Variants in ABTB3 observed in about 807,000 individuals in gnomAD.
ABTB3 encodes ankyrin repeat and BTB domain containing 3.
chr12:107,447,162 A>T, the ABTB3 span, among the ~76,000 whole-genome samples: 2 of 151,800 alleles, frequency 1.3e-5, no homozygotes, highest in African/African-American at 4.8e-5. Flanking sequence ...TTTTTTTGAG[A>T]TGGAGTTTTC....
the ABTB3 span, among the ~76,000 whole-genome samples, chr12:107,544,382 C>T: frequency 1.3e-5 from 2 of 152,158 alleles, no homozygotes; most frequent in African/African-American, 2.4e-5. Flanking sequence ...ATAAGTGGGT[C>T]TGCAAATTCC....
At chr12:107,387,756 G>T in the ABTB3 span, among the ~76,000 whole-genome samples, 2 of 152,142 alleles carry the variant, frequency 1.3e-5, no homozygotes, top group Admixed American at 1.3e-4. Flanking sequence ...CCTCAGAACA[G>T]CCCAGGACAC....
At chr12:107,652,608 G>T in the ABTB3 span, among the ~76,000 whole-genome samples, 1 of 152,212 alleles carries the variant, frequency 6.6e-6, no homozygotes, top group Admixed American at 6.5e-5. Flanking sequence ...CTGAATGCCA[G>T]TGTAGTCCCC....
At chr12:107,615,026 G>T in the ABTB3 span, 2 of 1,565,268 alleles carry the variant, frequency 1.3e-6, no homozygotes, top group Non-Finnish European at 1.8e-6. Flanking sequence ...TATTGTGAAG[G>T]TCACATTTTG....
the ABTB3 span, among the ~76,000 whole-genome samples, chr12:107,612,412 T>C: frequency 6.6e-6 from 1 of 152,214 alleles, no homozygotes; most frequent in Non-Finnish European, 1.5e-5. Flanking sequence ...AGATAAATGG[T>C]GTTTACCAAT....
At chr12:107,619,988 G>A in the ABTB3 span, 414 of 1,606,394 alleles carry the variant, frequency 2.6e-4, 1 homozygote, top group Middle Eastern at 8.3e-4. Flanking sequence ...CGCTCCAGGC[G>A]TCCCGTGGAC....
At chr12:107,482,661 G>T in the ABTB3 span, among the ~76,000 whole-genome samples, 15 of 152,036 alleles carry the variant, frequency 9.9e-5, no homozygotes, top group African/African-American at 3.1e-4. Flanking sequence ...CAGCACTGGC[G>T]GCCTCTCCTG....
chr12:107,400,249 T>C, the ABTB3 span, among the ~76,000 whole-genome samples: 3 of 152,160 alleles, frequency 2.0e-5, no homozygotes, highest in Admixed American at 2.0e-4. Context: ...TTACATATTT[T>C]AACTTACTCG....
At chr12:107,493,096 G>A in the ABTB3 span, among the ~76,000 whole-genome samples, 1,165 of 149,464 alleles carry the variant, frequency 7.8e-3, 22 homozygotes, top group African/African-American at 0.027. Flanking sequence ...AAAAAAAAAA[G>A]TCTCTTCCTT....
At chr12:107,447,973 G>A in the ABTB3 span, among the ~76,000 whole-genome samples, 1 of 152,204 alleles carries the variant, frequency 6.6e-6, no homozygotes, top group African/African-American at 2.4e-5. Flanking sequence ...TGTTTACGAA[G>A]GAGTTGCATG....
the ABTB3 span, among the ~76,000 whole-genome samples, chr12:107,326,788 C>G: frequency 6.6e-6 from 1 of 152,168 alleles, no homozygotes; most frequent in Non-Finnish European, 1.5e-5. Flanking sequence ...CATGAAACTC[C>G]CATTTGGAAA....
At chr12:107,331,362 C>T in the ABTB3 span, among the ~76,000 whole-genome samples, 2 of 152,276 alleles carry the variant, frequency 1.3e-5, no homozygotes, top group South Asian at 2.1e-4. Context: ...CAGATAGTCA[C>T]ACAGATGTCA....
the ABTB3 span, among the ~76,000 whole-genome samples, chr12:107,478,518 C>T: frequency 6.6e-6 from 1 of 152,138 alleles, no homozygotes; most frequent in African/African-American, 2.4e-5. Context: ...AAATTAATAA[C>T]TAATTAAAGA....
chr12:107,575,425 C>G, the ABTB3 span, among the ~76,000 whole-genome samples: 2 of 152,130 alleles, frequency 1.3e-5, no homozygotes, highest in Non-Finnish European at 2.9e-5. Context: ...TCAATTCTTC[C>G]AATAACCCTG....
the ABTB3 span, among the ~76,000 whole-genome samples, chr12:107,410,226 T>TA: frequency 0.15 from 17,825 of 122,130 alleles, 1,335 homozygotes; most frequent in African/African-American, 0.2. Context: ...TCAGAATTGT[T>TA]AAAAAAAAAA....
At chr12:107,486,991 T>G in the ABTB3 span, among the ~76,000 whole-genome samples, 1 of 152,324 alleles carries the variant, frequency 6.6e-6, no homozygotes, top group South Asian at 2.1e-4. Flanking sequence ...ACCATTTGGC[T>G]GCCATAGGCC....
the ABTB3 span, among the ~76,000 whole-genome samples, chr12:107,648,781 A>G: frequency 6.6e-6 from 1 of 152,126 alleles, no homozygotes. Context: ...GCAGGGGAAC[A>G]ACCCTCTGGT....
At chr12:107,467,561 C>T in the ABTB3 span, among the ~76,000 whole-genome samples, 1 of 152,164 alleles carries the variant, frequency 6.6e-6, no homozygotes, top group African/African-American at 2.4e-5. Flanking sequence ...TAGGAAACAC[C>T]TGGATTCTGC....
chr12:107,480,119 T>G, the ABTB3 span, among the ~76,000 whole-genome samples: 10 of 152,084 alleles, frequency 6.6e-5, no homozygotes, highest in South Asian at 4.1e-4. Flanking sequence ...GACAGTAGGA[T>G]AGGGAAAGGC....
Sources: allele counts gnomAD v4.1 joint callset (sites outside exome capture counted in the v4.1 genomes callset), GRCh38; gene constraint gnomAD v4.1.1; transcripts MANE v1.5; gene names NCBI Gene and HGNC (gene_info 2026-07-23, HGNC 2026-07-21).